Variants in MTARC2 observed in about 807,000 individuals in gnomAD.
MTARC2 encodes mitochondrial amidoxime reducing component 2, also known as MOCO sulphurase C-terminal domain containing 2.
MTARC2 carries 27 observed loss-of-function variants against 35.6 expected under a neutral mutation model. The ratio of observed to expected loss-of-function variants is 0.76; its 90% CI spans 0.56 to 1.04. The LOEUF (loss-of-function observed/expected upper bound fraction) is 1.04. MTARC2 is among the 50% of genes least tolerant of loss of function. MTARC2 has a pLI of 0.00. For missense variants in MTARC2, 412 were observed against 432.5 expected, an observed-to-expected ratio of 0.95 and a Z score of 0.42; for synonymous variants, 158 against 167.1, an observed-to-expected ratio of 0.95 and a Z score of 0.42.
intron 4 of MTARC2, among the ~76,000 whole-genome samples, chr1:220,763,360 A>G (rs201196204): frequency 0.013 from 2,033 of 152,336 alleles, 32 homozygotes; most frequent in East Asian, 0.06. Flanking sequence ...AAGCGAAGAT[A>G]AAGAGAAAGA....
chr1:220,760,983 G>T (rs1006980400), intron 2 of MTARC2, among the ~76,000 whole-genome samples: 33 of 152,182 alleles, frequency 2.2e-4, no homozygotes, highest in African/African-American at 7.7e-4. Flanking sequence ...CAATGGAAAT[G>T]ATGTCTTTCA....
At chr1:220,766,968 C>G (rs1486194624) in intron 4 of MTARC2, among the ~76,000 whole-genome samples, 1 of 139,702 alleles carries the variant, frequency 7.2e-6, no homozygotes, top group Non-Finnish European at 1.5e-5. Flanking sequence ...ATGGTGAAAC[C>G]CCACCTCTAC....
chr1:220,781,785 C>A lies in MTARC2; in HGVS notation c.892C>A (p.Leu298Met), dbSNP rs1201190696. The A allele has an allele frequency of 1.2e-6, 2 of 1,613,992 alleles. No individual in the cohort carries two copies. Among genetic ancestry groups the A allele is most frequent in the African/African-American group, 2.7e-5 (2 of 74,922 alleles). ...QPLDTLKSYR[L>M]CDPSERELYK... ...AATTTTTGCTTGTTTCAGCTACCGC[C>A]TGTGTGATCCTTCTGAGAGGGAATT... The change falls in exon 7 of 8, where the codon CTG becomes ATG. Residue 298 changes from leucine (L) to methionine (M), a missense_variant. Transcript: ENST00000366913.
Position 220,762,923 on chromosome 1 carries a change from A to T in MTARC2, c.623A>T (p.Asp208Val), listed in dbSNP as rs1312616327. 1 of 1,614,040 alleles carries T rather than the reference A, an allele frequency of 6.2e-7. No individual in the cohort carries two copies. The highest frequency in any genetic ancestry group is 8.5e-7 in the Non-Finnish European group (1 of 1,180,026). The change falls in exon 4 of 8, where the codon GAC (aspartate) becomes GTC (valine). Residue 208 changes from aspartate (D) to valine (V), a missense_variant. Asp to Val is a radical substitution (Grantham distance 152). Transcript: ENST00000366913. Reference sequence around the variant, plus strand: ...GTTCTTGGCAAGGTGGCCTACCCAGACTACTGCCCGCTCCTGATCATGACA... The same window carrying T: ...GTTCTTGGCAAGGTGGCCTACCCAGTCTACTGCCCGCTCCTGATCATGACA... ...LDQNFQVAYPDYCPLLIMTDA... is the reference protein window; with the variant it reads ...LDQNFQVAYPVYCPLLIMTDA...
At chr1:220,776,435 A>G (rs1671916939) in intron 4 of MTARC2, among the ~76,000 whole-genome samples, 1 of 152,112 alleles carries the variant, frequency 6.6e-6, no homozygotes, top group Admixed American at 6.5e-5. Flanking sequence ...TTAATAGTAT[A>G]TAATTTATTA....
rs74487083 is a variant in MTARC2 at position 220,750,946 on chromosome 1, A to AT, written c.272+2146dup. On this transcript the variant is annotated intron_variant, in intron 1 of 7. Coordinates refer to ENST00000366913, the MANE Select transcript of MTARC2 (RefSeq NM_017898.5). ...GGGCGAACTTCTACAAAGTTGTCTCATTTGCAAAAGAATGAGGTTGAACTT... is the reference window on the plus strand; with the variant it reads ...GGGCGAACTTCTACAAAGTTGTCTCATTTTGCAAAAGAATGAGGTTGAACTT... Among the ~76,000 whole-genome samples the AT allele has an allele frequency of 8.0e-3, 1,215 of 152,344 alleles. 26 individuals are homozygous for AT. The highest frequency in any genetic ancestry group is 0.059 in the East Asian group (307 of 5,188).
At chr1:220,766,104 G>A (rs373685661) in intron 4 of MTARC2, among the ~76,000 whole-genome samples, 3 of 152,068 alleles carry the variant, frequency 2.0e-5, no homozygotes, top group African/African-American at 4.8e-5. Flanking sequence ...AGAGGAAGAG[G>A]CCCCCGACGT....
In MTARC2 at chr1:220,784,648, T is replaced by G. The variant is rs546921329; in HGVS notation, c.*761T>G. 3.7e-4 allele frequency: 56 copies of G among 152,332 alleles called. No homozygotes were observed. Among genetic ancestry groups the G allele is most frequent in the African/African-American group, 1.3e-3 (55 of 41,564 alleles). The allele number at this position is 152,332 out of a possible 1,614,324, so 9.4% of individuals were successfully genotyped here. On this transcript the variant is annotated 3_prime_UTR_variant, in exon 8 of 8. Transcript: ENST00000366913. ...GAGTAGGAATGCAAGGAAGACAGCA[T>G]GAACATATTTTTTTCAGTGCAAATA...
chr1:220,781,615 A>G lies in MTARC2; in HGVS notation c.885-163A>G, dbSNP rs72473903. On this transcript the variant is annotated intron_variant, in intron 6 of 7. Transcript: ENST00000366913. ...GGATACTTCTAGAAAAACTAGAATT[A>G]TTTGCAGTTTGACTAATTGTCCACA... is the stretch of plus-strand genomic sequence containing the variant. Among the ~76,000 whole-genome samples, 208 of 152,342 alleles carry G rather than the reference A, an allele frequency of 1.4e-3. 2 individuals carry two copies. Among genetic ancestry groups the G allele is most frequent in the African/African-American group, 4.9e-3 (204 of 41,580 alleles).
At chr1:220,775,266 A>G (rs550328299) in intron 4 of MTARC2, among the ~76,000 whole-genome samples, 6 of 151,628 alleles carry the variant, frequency 4.0e-5, no homozygotes, top group African/African-American at 1.5e-4. Flanking sequence ...AATCCTCAGG[A>G]TTATTTCCTC....
Position 220,748,612 on chromosome 1 carries a change from G to A in MTARC2, c.81G>A (p.Ala27=), listed in dbSNP as rs752770501. The change falls in exon 1 of 8, where the codon GCG becomes GCA. Residue 27 remains alanine, a synonymous_variant. Coordinates refer to ENST00000366913, the MANE Select transcript of MTARC2 (RefSeq NM_017898.5). ...RPWPRWLGVA[A]LGLAAVALGT... The stretch of plus-strand genomic sequence containing the variant: ...GGCCCAGGTGGCTCGGGGTCGCCGC[G>A]CTAGGACTGGCCGCCGTGGCCCTGG... 9 of 1,479,170 alleles carry A rather than the reference G, an allele frequency of 6.1e-6. No homozygotes were observed. Among genetic ancestry groups the A allele is most frequent in the East Asian group, 2.8e-5 (1 of 35,572 alleles). The allele number at this position is 1,479,170 out of a possible 1,614,324, so 91.6% of individuals were successfully genotyped here. A position where few individuals can be genotyped will look rare whatever the true frequency, so the allele number is the denominator to read the frequency against.
chr1:220,768,482 G>C (rs12145544), intron 4 of MTARC2, among the ~76,000 whole-genome samples: 16 of 152,056 alleles, frequency 1.1e-4, no homozygotes, highest in African/African-American at 3.9e-4. Context: ...TCTCGAGGTC[G>C]CATAGCCAGC....
chr1:220,762,256 C>G (rs557785666), intron 3 of MTARC2, among the ~76,000 whole-genome samples: 39 of 152,318 alleles, frequency 2.6e-4, no homozygotes, highest in South Asian at 1.4e-3. Context: ...GGCGCCTCCC[C>G]CTAAGGAAAA....
At chr1:220,778,247 CAAAAAAAAAAAAA>C (rs60336134) in intron 4 of MTARC2, among the ~76,000 whole-genome samples, 4 of 97,358 alleles carry the variant, frequency 4.1e-5, no homozygotes, top group Non-Finnish European at 7.9e-5. Context: ...GACTCTGTCT[CAAAAAAAAAAAAA>C]AAAAAAAAGA....
In MTARC2 at chr1:220,780,197, C is replaced by T; in HGVS notation, c.842C>T (p.Thr281Ile). ...RCILTTVDPD[T>I]GVIDRKQPLD... ...ATTTTGACAACGGTGGACCCAGACA[C>T]TGGAGTCATAGACAGGAAACAGCCA... Residue 281 changes from threonine to isoleucine, a missense_variant, in exon 6 of 8, where the codon ACT becomes ATT. Coordinates refer to ENST00000366913, the MANE Select transcript of MTARC2 (RefSeq NM_017898.5). The T allele has an allele frequency of 1.9e-6, 3 of 1,612,918 alleles. No homozygotes were observed. Among genetic ancestry groups the T allele is most frequent in the Non-Finnish European group, 2.5e-6 (3 of 1,179,660 alleles).
intron 7 of MTARC2, 99 bp from the exon 8 acceptor site, chr1:220,783,820 T>G: frequency 1.4e-6 from 1 of 712,436 alleles, no homozygotes; most frequent in Non-Finnish European, 2.6e-6. Context: ...TACATTTATA[T>G]GTGTAACCTC....
At chr1:220,775,672 T>A (rs1030507849) in intron 4 of MTARC2, among the ~76,000 whole-genome samples, 5 of 152,144 alleles carry the variant, frequency 3.3e-5, no homozygotes, top group Non-Finnish European at 7.3e-5. Flanking sequence ...ATTCTCACCC[T>A]CTTCCTACTC....
chr1:220,770,725 T>C (rs910744101), intron 4 of MTARC2, among the ~76,000 whole-genome samples: 1 of 152,232 alleles, frequency 6.6e-6, no homozygotes, highest in Non-Finnish European at 1.5e-5. Flanking sequence ...CAGCCTCTGC[T>C]GTTGGTCATG....
intron 4 of MTARC2, among the ~76,000 whole-genome samples, chr1:220,768,848 A>G (rs1260222590): frequency 6.6e-6 from 1 of 152,192 alleles, no homozygotes; most frequent in Non-Finnish European, 1.5e-5. Flanking sequence ...TGGGGAATGC[A>G]GGTGTCCCCT....
Sources: gnomAD v4.1 joint callset for allele counts (sites outside exome capture counted in the v4.1 genomes callset) on GRCh38, gnomAD v4.1.1 for gene constraint, MANE v1.5 for transcripts, NCBI Gene and HGNC (gene_info 2026-07-23, HGNC 2026-07-21) for gene names.